ADGRL2: variants seen among roughly 807,000 people sequenced by gnomAD.
ADGRL2 encodes the protein adhesion G protein-coupled receptor L2.
A neutral mutation model predicts 157.4 loss-of-function variants in ADGRL2; 44 were observed. That is an observed-to-expected ratio of 0.28 (90% confidence interval 0.22 to 0.36). The LOEUF is 0.36. ADGRL2 is among the 10% of genes least tolerant of loss of function. ADGRL2 has a pLI of 1.00. For missense variants in ADGRL2, 1,510 were observed against 1,768.9 expected (o/e 0.85, Z 2.63); for synonymous variants, 585 against 624.7 (o/e 0.94, Z 0.95).
intron 1 of ADGRL2, among the ~76,000 whole-genome samples, chr1:81,808,849 CG>C (rs1416722051): frequency 5.9e-5 from 9 of 151,986 alleles, no homozygotes; most frequent in African/African-American, 2.2e-4. Context: ...CCCAGATTTA[CG>C]GAAGTGCAGG....
At chr1:81,355,958 T>C (rs895138549) in intron 1 of ADGRL2, among the ~76,000 whole-genome samples, 2 of 152,218 alleles carry the variant, frequency 1.3e-5, no homozygotes, top group Admixed American at 1.3e-4. Flanking sequence ...ACTCCCATTG[T>C]TACATATTTT....
rs3790893 is a variant in ADGRL2 at position 81,943,903 on chromosome 1, T to C, written c.1210+134T>C. ...GGACAAAGGACAATGTTGTGGTACA[T>C]TTTAGCCTTATTATGGTTCGTTTTC... On this transcript the variant is annotated intron_variant, in intron 6 of 23. Transcript: ENST00000686636. This position sits in a 1 kb window ranked among gnomAD's most constrained non-coding sequence, Gnocchi z 5.6. 44,545 of 669,236 alleles carry C rather than the reference T, an allele frequency of 0.067. 1,810 individuals are homozygous for C. Among genetic ancestry groups the C allele is most frequent in the African/African-American group, 0.14 (7,463 of 55,108 alleles). 41.5% of individuals were successfully genotyped at this position (669,236 alleles called of 1,614,324 possible).
intron 2 of ADGRL2, among the ~76,000 whole-genome samples, chr1:81,475,528 T>A (rs1481018973): frequency 6.6e-6 from 1 of 152,206 alleles, no homozygotes; most frequent in African/African-American, 2.4e-5. Flanking sequence ...TTTACTATGT[T>A]ACAATTTGAC....
chr1:81,705,164 G>A (rs1031556236), intron 1 of ADGRL2, among the ~76,000 whole-genome samples: 3 of 152,028 alleles, frequency 2.0e-5, no homozygotes, highest in Non-Finnish European at 4.4e-5. Flanking sequence ...GCAGTTCTCT[G>A]CCTCATCCTC....
At chr1:81,331,550 A>G (rs1661266873) in intron 1 of ADGRL2, among the ~76,000 whole-genome samples, 2 of 152,172 alleles carry the variant, frequency 1.3e-5, no homozygotes, top group South Asian at 4.1e-4. Flanking sequence ...TTAGCTATAT[A>G]TAAATAATAA....
intron 2 of ADGRL2, among the ~76,000 whole-genome samples, chr1:81,488,288 G>A (rs974551469): frequency 1.3e-5 from 2 of 152,266 alleles, no homozygotes; most frequent in Middle Eastern, 3.4e-3. Flanking sequence ...CCTTGGCACA[G>A]AGAGTGCCTA....
chr1:81,642,023 G>A (rs541469212), intron 3 of ADGRL2, among the ~76,000 whole-genome samples: 1 of 151,172 alleles, frequency 6.6e-6, no homozygotes, highest in South Asian at 2.1e-4. Context: ...ACATTAAAAG[G>A]ATGATAAAAG....
chr1:81,513,118 A>C (rs1334477287), intron 2 of ADGRL2, among the ~76,000 whole-genome samples: 2 of 152,196 alleles, frequency 1.3e-5, no homozygotes, highest in Admixed American at 6.5e-5. Flanking sequence ...AATTAAACTT[A>C]CATGCTTATT....
At chr1:81,720,021 T>C (rs1472171318) in intron 1 of ADGRL2, among the ~76,000 whole-genome samples, 1 of 152,200 alleles carries the variant, frequency 6.6e-6, no homozygotes, top group Non-Finnish European at 1.5e-5. Context: ...ATTTTTGTTT[T>C]ACTATATTTT....
At chr1:81,787,279 G>A (rs1417899073) in intron 2 of ADGRL2, among the ~76,000 whole-genome samples, 1 of 152,054 alleles carries the variant, frequency 6.6e-6, no homozygotes, top group African/African-American at 2.4e-5. Flanking sequence ...GTATAGTTAT[G>A]GGATATTAGG....
intron 1 of ADGRL2, among the ~76,000 whole-genome samples, chr1:81,318,698 A>G (rs1403445837): frequency 6.6e-6 from 1 of 152,118 alleles, no homozygotes; most frequent in Admixed American, 6.6e-5. Context: ...TAATATTTCT[A>G]TAACTTAAAA....
At chr1:81,890,023 A>AT (rs1170610295) in intron 2 of ADGRL2, among the ~76,000 whole-genome samples, 1 of 152,192 alleles carries the variant, frequency 6.6e-6, no homozygotes, top group Non-Finnish European at 1.5e-5. Context: ...AAAACTTAAC[A>AT]TTTATTAATG....
chr1:81,701,156 A>G (rs2083563923), intron 1 of ADGRL2, among the ~76,000 whole-genome samples: 1 of 152,210 alleles, frequency 6.6e-6, no homozygotes, highest in Non-Finnish European at 1.5e-5. Context: ...AAAAATATGT[A>G]TGTCATTTTC....
chr1:81,558,654 C>G (rs2148438766), intron 2 of ADGRL2, among the ~76,000 whole-genome samples: 1 of 151,962 alleles, frequency 6.6e-6, no homozygotes, highest in Middle Eastern at 3.4e-3. Context: ...AAAAAAAAAA[C>G]CTTGATTCCC....
At chr1:81,548,458 A>C (rs4650566) in intron 2 of ADGRL2, among the ~76,000 whole-genome samples, 6,800 of 151,940 alleles carry the variant, frequency 0.045, 374 homozygotes, top group East Asian at 0.22. Context: ...AACTTGAAGC[A>C]AGTAGAATAG....
rs182535158 is a variant in ADGRL2, at chr1:81,367,092, A to G, written c.-302+60583A>G. ...ATATTTTACAGTCACACAAATGTAA[A>G]ATATCCAGCAACTTTCCTGCTAGCC... is the stretch of plus-strand genomic sequence containing the variant. On this transcript the variant is annotated intron_variant, in intron 1 of 24. Transcript: ENST00000370721. Among the ~76,000 whole-genome samples, 29 of 152,342 alleles carry G rather than the reference A, an allele frequency of 1.9e-4. No individual in the cohort carries two copies. In the South Asian group the frequency reaches 2.5e-3, roughly 13 times the overall value.
chr1:81,961,461 T>G (rs2149221809), intron 11 of ADGRL2, among the ~76,000 whole-genome samples: 1 of 152,248 alleles, frequency 6.6e-6, no homozygotes, highest in African/African-American at 2.4e-5. Context: ...ACTTTTCAGG[T>G]TTTTAACATT....
chr1:81,896,569 T>G (rs984879641), intron 2 of ADGRL2, among the ~76,000 whole-genome samples: 1 of 152,100 alleles, frequency 6.6e-6, no homozygotes, highest in Non-Finnish European at 1.5e-5. Flanking sequence ...CTCAAAACTT[T>G]AATATATATA....
At chr1:81,473,363 A>G (rs1173403628) in intron 2 of ADGRL2, among the ~76,000 whole-genome samples, 2 of 152,196 alleles carry the variant, frequency 1.3e-5, no homozygotes, top group Admixed American at 1.3e-4. Context: ...AGATGTGGCT[A>G]GTGGAACTGA....
Sources: gnomAD v4.1 joint callset for allele counts (sites outside exome capture counted in the v4.1 genomes callset) on GRCh38, gnomAD v4.1.1 for gene constraint, Gnocchi (gnomAD v3.1) non-coding constraint, MANE v1.5 for transcripts, NCBI Gene and HGNC (gene_info 2026-07-23, HGNC 2026-07-21) for gene names.